Variants in AKAP19 observed in about 807,000 individuals in gnomAD.
AKAP19 encodes A-kinase anchoring protein 19.
chr2:190,076,395 T>G, the AKAP19 span, among the ~76,000 whole-genome samples: 1 of 152,138 alleles, frequency 6.6e-6, no homozygotes, highest in Non-Finnish European at 1.5e-5. Context: ...GGAGAACCAC[T>G]GTTAAAGATT....
the AKAP19 span, among the ~76,000 whole-genome samples, chr2:190,069,189 A>AGAGG: frequency 1.4e-5 from 2 of 145,872 alleles, no homozygotes; most frequent in African/African-American, 2.6e-5. Context: ...AGAGAGAGAG[A>AGAGG]GAGAGAGAGA....
At chr2:189,991,671 C>T in the AKAP19 span, among the ~76,000 whole-genome samples, 1,784 of 152,214 alleles carry the variant, frequency 0.012, 32 homozygotes, top group African/African-American at 0.041. Context: ...CTGATTATTT[C>T]TTTTGATGTG....
At chr2:190,057,146 G>T in the AKAP19 span, 1 of 1,122,830 alleles carries the variant, frequency 8.9e-7, no homozygotes, top group Non-Finnish European at 1.3e-6. Context: ...ATGCTTAAGT[G>T]ACTGTAGCAT....
chr2:190,083,237 G>C, the AKAP19 span, among the ~76,000 whole-genome samples: 1 of 152,154 alleles, frequency 6.6e-6, no homozygotes, highest in South Asian at 2.1e-4. Context: ...AAATTAGCCA[G>C]GTGTGGTGGT....
the AKAP19 span, among the ~76,000 whole-genome samples, chr2:190,070,618 C>CG: frequency 1.4e-5 from 2 of 138,056 alleles, no homozygotes; most frequent in African/African-American, 2.7e-5. Context: ...TCTCTCTCCC[C>CG]CCCCCCTTTT....
the AKAP19 span, among the ~76,000 whole-genome samples, chr2:189,940,852 C>G: frequency 5.3e-5 from 8 of 151,852 alleles, no homozygotes; most frequent in Admixed American, 3.3e-4. Flanking sequence ...GATCGTGCCA[C>G]TGCACTCCAA....
the AKAP19 span, among the ~76,000 whole-genome samples, chr2:190,184,322 T>C: frequency 6.6e-6 from 1 of 152,182 alleles, no homozygotes. Flanking sequence ...AACAAAACAC[T>C]GGCCCAAACA....
the AKAP19 span, chr2:190,181,367 T>G: frequency 1.3e-5 from 2 of 156,312 alleles, no homozygotes; most frequent in Non-Finnish European, 2.8e-5. Flanking sequence ...TGAGTTGCAA[T>G]TCCACCCTGC....
the AKAP19 span, among the ~76,000 whole-genome samples, chr2:189,988,735 G>A: frequency 1.3e-5 from 2 of 152,188 alleles, no homozygotes; most frequent in Non-Finnish European, 2.9e-5. Flanking sequence ...TCCTTCTTCC[G>A]AAGTATATAA....
the AKAP19 span, chr2:189,923,747 C>G: frequency 1.2e-6 from 2 of 1,613,618 alleles, no homozygotes; most frequent in Non-Finnish European, 1.7e-6. Flanking sequence ...TCCTATTGCT[C>G]GGGCTGTAGT....
chr2:190,151,965 T>C, the AKAP19 span, among the ~76,000 whole-genome samples: 1 of 150,772 alleles, frequency 6.6e-6, no homozygotes, highest in South Asian at 2.1e-4. Flanking sequence ...ATTGTGCCAC[T>C]GCACTCCAGA....
the AKAP19 span, among the ~76,000 whole-genome samples, chr2:190,153,894 T>C: frequency 6.6e-6 from 1 of 152,178 alleles, no homozygotes; most frequent in Non-Finnish European, 1.5e-5. Flanking sequence ...TTATAACTTA[T>C]AGTCTGGAAT....
At chr2:190,097,403 G>A in the AKAP19 span, among the ~76,000 whole-genome samples, 1 of 152,150 alleles carries the variant, frequency 6.6e-6, no homozygotes, top group Non-Finnish European at 1.5e-5. Context: ...GATCAGGGTG[G>A]TAGTTGCTGA....
At chr2:189,996,507 T>A in the AKAP19 span, among the ~76,000 whole-genome samples, 20 of 152,188 alleles carry the variant, frequency 1.3e-4, no homozygotes, top group African/African-American at 4.8e-4. Flanking sequence ...GTATTGTTTT[T>A]TTAAAATTTA....
the AKAP19 span, among the ~76,000 whole-genome samples, chr2:190,151,840 A>G: frequency 2.0e-5 from 3 of 149,174 alleles, no homozygotes; most frequent in African/African-American, 7.4e-5. Context: ...TATCTCTACT[A>G]AAAATATAAA....
At chr2:190,111,187 C>G in the AKAP19 span, among the ~76,000 whole-genome samples, 2 of 152,148 alleles carry the variant, frequency 1.3e-5, no homozygotes, top group Non-Finnish European at 2.9e-5. Flanking sequence ...TACCAGTTGA[C>G]AGAGGCATAG....
the AKAP19 span, among the ~76,000 whole-genome samples, chr2:189,951,591 A>C: frequency 2.0e-5 from 3 of 152,122 alleles, no homozygotes; most frequent in African/African-American, 7.2e-5. Flanking sequence ...GCCAAATCTA[A>C]AGCTTTCAAA....
At chr2:190,015,882 G>T in the AKAP19 span, among the ~76,000 whole-genome samples, 7 of 152,178 alleles carry the variant, frequency 4.6e-5, no homozygotes, top group African/African-American at 1.7e-4. Flanking sequence ...TCTAGGGCAA[G>T]GGCAAAATGC....
At chr2:190,092,560 T>C in the AKAP19 span, among the ~76,000 whole-genome samples, 1 of 152,138 alleles carries the variant, frequency 6.6e-6, no homozygotes, top group Non-Finnish European at 1.5e-5. Context: ...TCTGCTTCCT[T>C]GGACTTTCTG....
Sources: allele counts gnomAD v4.1 joint callset (sites outside exome capture counted in the v4.1 genomes callset), GRCh38; gene constraint gnomAD v4.1.1; transcripts MANE v1.5; gene names NCBI Gene and HGNC (gene_info 2026-07-23, HGNC 2026-07-21).